The following GNAS variants were observed in gnomAD, a reference collection of about 807,000 sequenced individuals.
GNAS encodes protein ALEX.
Under a neutral mutation model 54.5 loss-of-function variants are expected in GNAS, and 8 were observed. The ratio of observed to expected loss-of-function variants is 0.15; its 90% confidence interval spans 0.09 to 0.26. The LOEUF is 0.26. Ranked by LOEUF, GNAS falls within the 10% of genes least tolerant of loss-of-function variation. The pLI is 1.00. For missense variants in GNAS, 170 were observed against 529.8 expected, an observed-to-expected ratio of 0.32 and a Z score of 6.67; for synonymous variants, 204 against 191.4, an observed-to-expected ratio of 1.07 and a Z score of -0.54.
chr20:58,841,800 T>A lies in GNAS; in HGVS notation c.43+914T>A, dbSNP rs2085741175. On this transcript the variant is annotated intron_variant, in intron 1 of 12. Coordinates refer to the GNAS transcript ENST00000306090. This position sits in a 1 kb window ranked among gnomAD's most constrained non-coding sequence, Gnocchi z 5.0. ...CAGCTGGTCGGGTGGCCAGGCTGCA[T>A]GCGGCTTAGCAGGAGACGTCCTGGG... is the stretch of plus-strand genomic sequence containing the variant. 27 of 1,230,604 alleles carry A rather than the reference T, an allele frequency of 2.2e-5. No homozygotes were observed. The South Asian group carries it at 1.1e-3, about 49-fold the overall frequency. 76.2% of individuals were successfully genotyped at this position (1,230,604 alleles called of 1,614,324 possible). A position where few individuals can be genotyped will look rare whatever the true frequency, so the allele number is the denominator to read the frequency against.
intron 1 of GNAS, chr20:58,892,314 C>G (rs971105001): frequency 1.7e-5 from 5 of 298,138 alleles, no homozygotes; most frequent in Non-Finnish European, 2.4e-5. Context: ...GGGAGGGGGA[C>G]CCGCCTCCGT....
At chr20:58,896,449 T>C (rs1424561119) in intron 2 of GNAS, among the ~76,000 whole-genome samples, 1 of 151,674 alleles carries the variant, frequency 6.6e-6, no homozygotes. Context: ...CAATCCGTAG[T>C]GGGAATGAAG....
At chr20:58,868,946 G>A (rs1406219368) in intron 1 of GNAS, among the ~76,000 whole-genome samples, 3 of 152,154 alleles carry the variant, frequency 2.0e-5, no homozygotes, top group South Asian at 2.1e-4. Context: ...TCACCCTTGC[G>A]CCGGCGCCTA....
At chr20:58,889,004 C>T (rs986224572), upstream of GNAS, 33 of 946,428 alleles carry the variant, frequency 3.5e-5, no homozygotes, top group African/African-American at 5.3e-5. Context: ...CGCGCGGTCC[C>T]GGCACCGGCC....
chr20:58,852,411 G>T (rs761612311), intron 1 of GNAS, among the ~76,000 whole-genome samples: 26 of 152,154 alleles, frequency 1.7e-4, no homozygotes, highest in Non-Finnish European at 2.2e-4. Flanking sequence ...TTCTTTGGTG[G>T]GCTCACGACC....
chr20:58,901,434 T>A (rs2090590959), intron 3 of GNAS, among the ~76,000 whole-genome samples: 1 of 152,176 alleles, frequency 6.6e-6, no homozygotes, highest in African/African-American at 2.4e-5. Flanking sequence ...AGAATCAGAT[T>A]TCAGATTTGT....
chr20:58,896,597 AT>A (rs2090073056), intron 2 of GNAS, among the ~76,000 whole-genome samples: 1 of 151,758 alleles, frequency 6.6e-6, no homozygotes, highest in African/African-American at 2.4e-5. Context: ...GGGCCTACCC[AT>A]CGTTCTCGTG....
intron 1 of GNAS, among the ~76,000 whole-genome samples, chr20:58,861,758 T>G (rs2086793232): frequency 1.3e-5 from 2 of 152,164 alleles, no homozygotes. Context: ...CAGGCTGGAG[T>G]GCAGTGGTGC....
chr20:58,896,003 TC>T (rs1467715849), intron 2 of GNAS, among the ~76,000 whole-genome samples: 9 of 152,270 alleles, frequency 5.9e-5, no homozygotes, highest in African/African-American at 2.2e-4. Context: ...CCGGGCCAGG[TC>T]CCTGCCACAG....
rs567885245 is a variant in GNAS, at chr20:58,880,850, G to T, written c.44-14762G>T. On this transcript the variant is annotated intron_variant, in intron 1 of 12. Coordinates refer to the GNAS transcript ENST00000306090. ...TTCTATCCTTTAGTCATAGTTTTTT[G>T]TTCTGTTTTGTTTTGTTTTTAAACA... 1.1e-4 allele frequency among the ~76,000 whole-genome samples: 16 copies of T among 151,120 alleles called. No individual in the cohort carries two copies. The South Asian group carries it at 3.1e-3, about 30-fold the overall frequency.
chr20:58,868,497 G>A (rs1056622986), intron 1 of GNAS, among the ~76,000 whole-genome samples: 1 of 151,786 alleles, frequency 6.6e-6, no homozygotes, highest in African/African-American at 2.4e-5. Flanking sequence ...CCCAGAGTTA[G>A]GGTCTGATTT....
upstream of GNAS, chr20:58,840,412 G>A (rs2085672628): frequency 6.2e-7 from 1 of 1,613,558 alleles, no homozygotes; most frequent in Non-Finnish European, 8.5e-7. This position sits in a 1 kb window ranked among gnomAD's most constrained non-coding sequence, Gnocchi z 6.0. Flanking sequence ...AGTGCCTAGA[G>A]TACGAGGAAG....
intron 1 of GNAS, among the ~76,000 whole-genome samples, chr20:58,874,826 C>T (rs1212933338): frequency 1.3e-5 from 2 of 152,188 alleles, no homozygotes; most frequent in Admixed American, 6.5e-5. Context: ...TTCCCTAATG[C>T]AGATAGAGAT....
At chr20:58,845,690 C>A (rs1367515953) in intron 1 of GNAS, among the ~76,000 whole-genome samples, 1 of 152,140 alleles carries the variant, frequency 6.6e-6, no homozygotes, top group East Asian at 1.9e-4. Context: ...GTTTAAAAAT[C>A]TCATGAGTTT....
intron 5 of GNAS, 84 bp downstream of exon 5, chr20:58,903,875 A>G (rs2090864000): frequency 7.0e-7 from 1 of 1,436,466 alleles, no homozygotes; most frequent in Non-Finnish European, 9.8e-7. Flanking sequence ...ACAGCCCTGC[A>G]CATGGGCAGG....
At chr20:58,843,792 C>G (rs2085835308) in intron 1 of GNAS, among the ~76,000 whole-genome samples, 1 of 152,150 alleles carries the variant, frequency 6.6e-6, no homozygotes, top group South Asian at 2.1e-4. Flanking sequence ...CAAAGGTGCT[C>G]TTGTAACTGA....
At chr20:58,848,410 A>G (rs2086022952) in intron 1 of GNAS, among the ~76,000 whole-genome samples, 1 of 152,076 alleles carries the variant, frequency 6.6e-6, no homozygotes, top group Non-Finnish European at 1.5e-5. Context: ...CCTCTTCCTT[A>G]GCTGCATAAA....
chr20:58,896,227 CA>C (rs1210853393), intron 2 of GNAS, among the ~76,000 whole-genome samples: 2 of 84,758 alleles, frequency 2.4e-5, no homozygotes, highest in African/African-American at 4.0e-5. Context: ...TACAGTTTCT[CA>C]TTTTTTTTGT....
intron 3 of GNAS, among the ~76,000 whole-genome samples, chr20:58,902,501 C>T (rs983514212): frequency 9.2e-5 from 14 of 152,154 alleles, no homozygotes; most frequent in South Asian, 2.1e-4. Context: ...ATAAAGACCA[C>T]GCAGGCCATC....
Sources: gnomAD v4.1 joint callset for allele counts (sites outside exome capture counted in the v4.1 genomes callset) on GRCh38, gnomAD v4.1.1 for gene constraint, Gnocchi (gnomAD v3.1) non-coding constraint, MANE v1.5 for transcripts, NCBI Gene and HGNC (gene_info 2026-07-23, HGNC 2026-07-21) for gene names.